MARK3: variants seen among roughly 807,000 people sequenced by gnomAD.
The protein encoded by MARK3 is microtubule affinity regulating kinase 3, also known as MAP/microtubule affinity-regulating kinase 3.
In MARK3, 46 loss-of-function variants were observed where a neutral mutation model predicts 90.1. That is an observed-to-expected ratio of 0.51 (90% CI 0.40 to 0.65). The LOEUF is 0.65. Ranked by LOEUF, MARK3 falls within the 30% of genes least tolerant of loss-of-function variation. The pLI is 0.00. For synonymous variants in MARK3, 321 were observed against 332.6 expected, an observed-to-expected ratio of 0.97 and a Z score of 0.38; for missense variants, 818 against 947.2, an observed-to-expected ratio of 0.86 and a Z score of 1.79.
intron 1 of MARK3, among the ~76,000 whole-genome samples, chr14:103,393,248 A>C (rs1398094922): frequency 6.6e-6 from 1 of 152,112 alleles, no homozygotes; most frequent in Non-Finnish European, 1.5e-5. Context: ...CGGCCTCCCA[A>C]AGTGCTGGAA....
intron 1 of MARK3, among the ~76,000 whole-genome samples, chr14:103,387,092 A>G (rs2089867508): frequency 6.6e-6 from 1 of 152,214 alleles, no homozygotes; most frequent in Non-Finnish European, 1.5e-5. Context: ...TAAAAGTGTT[A>G]TGAGGTAATT....
At chr14:103,464,222 A>G (rs2093458424) in intron 7 of MARK3, among the ~76,000 whole-genome samples, 1 of 150,868 alleles carries the variant, frequency 6.6e-6, no homozygotes, top group South Asian at 2.1e-4. Flanking sequence ...CCATCCAGAC[A>G]CTAATATAGC....
intron 1 of MARK3, 61 bp from the exon 2 acceptor site, chr14:103,405,015 A>AG: frequency 7.4e-7 from 1 of 1,351,608 alleles, no homozygotes; most frequent in Non-Finnish European, 1.0e-6. Context: ...AGAAGCTCTT[A>AG]GAACTTGGCA....
At chr14:103,478,123 C>T (rs1172447576) in intron 13 of MARK3, among the ~76,000 whole-genome samples, 2 of 151,866 alleles carry the variant, frequency 1.3e-5, no homozygotes, top group African/African-American at 4.8e-5. Context: ...GGTGAAACCC[C>T]ATCTCTACTA....
At chr14:103,465,439 A>G in intron 7 of MARK3, 118 bp from the exon 8 acceptor site, 4 of 661,738 alleles carry the variant, frequency 6.0e-6, no homozygotes, top group South Asian at 1.9e-5. Context: ...ATGTTTTCAC[A>G]TTAATTAGGA....
intron 1 of MARK3, among the ~76,000 whole-genome samples, chr14:103,401,318 G>A (rs1373430339): frequency 6.6e-6 from 1 of 152,128 alleles, no homozygotes; most frequent in African/African-American, 2.4e-5. Context: ...CTTTCAGTCT[G>A]CTGTATGAGG....
intron 2 of MARK3, among the ~76,000 whole-genome samples, chr14:103,418,199 C>T (rs1266456501): frequency 2.8e-5 from 4 of 144,262 alleles, no homozygotes; most frequent in East Asian, 4.0e-4. Context: ...CTTCTGCTGA[C>T]TCCCTGAGAA....
chr14:103,481,659 G>A (rs200516783), intron 14 of MARK3, among the ~76,000 whole-genome samples: 1 of 123,924 alleles, frequency 8.1e-6, no homozygotes, highest in Non-Finnish European at 1.7e-5. Context: ...GTGTGTGTGT[G>A]TTTCAACATT....
chr14:103,452,471 C>CTTTTTTTTTTTTTTTGTTTTTTT (rs2093170647), intron 5 of MARK3, among the ~76,000 whole-genome samples: 1 of 97,472 alleles, frequency 1.0e-5, no homozygotes, highest in Admixed American at 1.3e-4. Flanking sequence ...CAGGATTTGT[C>CTTTTTTTTTTTTTTTGTTTTTTT]TTTTTTTTTT....
At chr14:103,395,072 G>A (rs957435658) in intron 1 of MARK3, among the ~76,000 whole-genome samples, 2 of 152,122 alleles carry the variant, frequency 1.3e-5, no homozygotes, top group African/African-American at 4.8e-5. Context: ...GAGCCACAGC[G>A]CCTGGCCACA....
chr14:103,393,447 T>C (rs1332766876), intron 1 of MARK3, among the ~76,000 whole-genome samples: 1 of 152,082 alleles, frequency 6.6e-6, no homozygotes, highest in African/African-American at 2.4e-5. Flanking sequence ...GGTGAAACTA[T>C]GTATCTTAAG....
chr14:103,403,310 C>T (rs998803596), intron 1 of MARK3, among the ~76,000 whole-genome samples: 4 of 146,698 alleles, frequency 2.7e-5, no homozygotes, highest in African/African-American at 1.0e-4. Flanking sequence ...TTTACCACAC[C>T]TTAAATAGTG....
chr14:103,455,759 G>A (rs1479115165), intron 5 of MARK3, among the ~76,000 whole-genome samples: 3 of 148,756 alleles, frequency 2.0e-5, no homozygotes, highest in Non-Finnish European at 4.5e-5. Flanking sequence ...ATGCAATCAA[G>A]TAATAACATG....
intron 1 of MARK3, 44 bp downstream of exon 1, chr14:103,386,124 A>G (rs1346875223): frequency 1.9e-6 from 3 of 1,583,928 alleles, no homozygotes; most frequent in Non-Finnish European, 2.6e-6. Flanking sequence ...TCGGGGTGGC[A>G]TTCGTGCTCC....
At chr14:103,387,317 T>G (rs1167146103) in intron 1 of MARK3, among the ~76,000 whole-genome samples, 2 of 152,162 alleles carry the variant, frequency 1.3e-5, no homozygotes, top group Non-Finnish European at 2.9e-5. Flanking sequence ...GTATACAATA[T>G]TTAATGCTCT....
At chr14:103,493,704 A>G (rs1012654941) in intron 15 of MARK3, among the ~76,000 whole-genome samples, 7 of 151,546 alleles carry the variant, frequency 4.6e-5, no homozygotes, top group Non-Finnish European at 1.0e-4. Flanking sequence ...GTGAAACCCC[A>G]TCTCTACTAA....
chr14:103,478,212 T>C (rs2093750549), intron 13 of MARK3, among the ~76,000 whole-genome samples: 1 of 151,328 alleles, frequency 6.6e-6, no homozygotes, highest in African/African-American at 2.4e-5. Context: ...GGAGAATCGA[T>C]TGAACCCAGG....
chr14:103,491,053 A>T (rs1566936216), intron 14 of MARK3: 1 of 1,288,432 alleles, frequency 7.8e-7, no homozygotes, highest in South Asian at 1.2e-5. Flanking sequence ...GCCTCTGGGC[A>T]CCCCAAGATG....
chr14:103,408,848 C>CT (rs1414253519), intron 2 of MARK3, among the ~76,000 whole-genome samples: 2 of 152,124 alleles, frequency 1.3e-5, no homozygotes, highest in African/African-American at 2.4e-5. Context: ...GTTAAGACTC[C>CT]TTGTTGCTGA....
Sources: gnomAD v4.1 joint callset for allele counts (sites outside exome capture counted in the v4.1 genomes callset) on GRCh38, gnomAD v4.1.1 for gene constraint, MANE v1.5 for transcripts, NCBI Gene and HGNC (gene_info 2026-07-23, HGNC 2026-07-21) for gene names.